TUT4: variants seen among roughly 807,000 people sequenced by gnomAD.
TUT4 encodes the protein terminal uridylyl transferase 4.
A neutral mutation model predicts 192.2 loss-of-function variants in TUT4; 36 were observed. That is an observed-to-expected ratio of 0.19 (90% CI 0.14 to 0.25). The LOEUF is 0.25. TUT4 is among the 10% of genes least tolerant of loss of function. The pLI, the probability that TUT4 is intolerant of heterozygous loss-of-function variation, is 1.00. For synonymous variants in TUT4, 618 were observed against 666.0 expected, an observed-to-expected ratio of 0.93 and a Z score of 1.11; for missense variants, 1,493 against 1,957.2, an observed-to-expected ratio of 0.76 and a Z score of 4.47.
intron 11 of TUT4, among the ~76,000 whole-genome samples, chr1:52,478,781 C>T (rs1394695164): frequency 6.6e-6 from 1 of 152,130 alleles, no homozygotes. Context: ...CACTAGGCAG[C>T]ATAAACACAA....
At chr1:52,460,414 G>A (rs564373322) in intron 19 of TUT4, among the ~76,000 whole-genome samples, 24 of 152,080 alleles carry the variant, frequency 1.6e-4, no homozygotes, top group African/African-American at 5.1e-4. Flanking sequence ...CCCAGGAGGC[G>A]GAGGTTGCAG....
intron 24 of TUT4, among the ~76,000 whole-genome samples, chr1:52,443,895 T>C (rs1256287537): frequency 1.3e-5 from 2 of 152,210 alleles, no homozygotes; most frequent in African/African-American, 4.8e-5. Context: ...CAGTGTATCA[T>C]TGTATTTGTT....
chr1:52,502,586 A>AT (rs1272149265), intron 4 of TUT4, among the ~76,000 whole-genome samples: 1 of 141,764 alleles, frequency 7.1e-6, no homozygotes, highest in Non-Finnish European at 1.5e-5. Context: ...CTGTGTTTTC[A>AT]TTAAGTAAGC....
intron 28 of TUT4, among the ~76,000 whole-genome samples, chr1:52,427,693 C>T (rs1268496101): frequency 6.6e-6 from 1 of 152,210 alleles, no homozygotes; most frequent in Non-Finnish European, 1.5e-5. Flanking sequence ...ACCTTACTTG[C>T]ATTGTTCCAA....
intron 1 of TUT4, among the ~76,000 whole-genome samples, chr1:52,527,138 C>A (rs1290688538): frequency 6.6e-6 from 1 of 152,164 alleles, no homozygotes; most frequent in African/African-American, 2.4e-5. Context: ...TCTATTTGTA[C>A]CTCTAGCCTA....
chr1:52,459,656 C>T (rs946951555), intron 19 of TUT4, among the ~76,000 whole-genome samples: 5 of 151,900 alleles, frequency 3.3e-5, no homozygotes, highest in Admixed American at 1.3e-4. Flanking sequence ...GAGGCCGAGG[C>T]GGGCGGAGGA....
intron 2 of TUT4, among the ~76,000 whole-genome samples, chr1:52,516,453 T>G (rs1678736222): frequency 6.6e-6 from 1 of 152,158 alleles, no homozygotes; most frequent in Admixed American, 6.6e-5. Flanking sequence ...CACTAGCAAT[T>G]AAAACAACAT....
chr1:52,463,204 T>A, intron 16 of TUT4: 1 of 984,784 alleles, frequency 1.0e-6, no homozygotes, highest in Middle Eastern at 5.2e-4. Context: ...AGAAGTTTAA[T>A]AAATTTTACA....
chr1:52,475,614 C>A, intron 12 of TUT4, 79 bp from the exon 13 acceptor site: 1 of 1,259,974 alleles, frequency 7.9e-7, no homozygotes, highest in South Asian at 1.5e-5. Context: ...TAGATCTTAA[C>A]TGATAAACTG....
chr1:52,459,465 T>C (rs1483889827), intron 19 of TUT4, among the ~76,000 whole-genome samples: 1 of 152,080 alleles, frequency 6.6e-6, no homozygotes, highest in East Asian at 1.9e-4. Flanking sequence ...GGCACACGCC[T>C]GTAGTCCTGG....
At chr1:52,490,918 T>A (rs1670992545) in intron 7 of TUT4, 117 bp from the exon 8 acceptor site, 3 of 832,328 alleles carry the variant, frequency 3.6e-6, no homozygotes, top group African/African-American at 1.7e-5. Context: ...TGTGGGATAA[T>A]CCACTCTTCT....
chr1:52,503,000 C>A (rs1674583468), intron 4 of TUT4, among the ~76,000 whole-genome samples: 1 of 152,190 alleles, frequency 6.6e-6, no homozygotes, highest in Non-Finnish European at 1.5e-5. Context: ...GGACCTGGCA[C>A]CGTGCCAAGT....
chr1:52,481,497 C>G lies in TUT4; in HGVS notation c.1774G>C (p.Asp592His), dbSNP rs1166675518. 1.2e-6 allele frequency: 2 copies of G among 1,613,940 alleles called. No individual in the cohort carries two copies. The change falls in exon 11 of 30, where the codon GAC (aspartate) becomes CAC (histidine). Residue 592 changes from aspartate (D) to histidine (H), a missense_variant. By Grantham distance (81) the Asp-to-His change is moderately conservative. Coordinates refer to ENST00000257177, the MANE Select transcript of TUT4 (RefSeq NM_001009881.3). ...TTCTTGGTATCATCTTTTGGTTGGTCTGCCTTAGCTTTGTTTTCCTCAGCA... is the reference window on the plus strand; with the variant it reads ...TTCTTGGTATCATCTTTTGGTTGGTGTGCCTTAGCTTTGTTTTCCTCAGCA... ...SIAEENKAKA[D>H]QPKDDTKKTE...
intron 1 of TUT4, among the ~76,000 whole-genome samples, chr1:52,541,727 T>A (rs1057205668): frequency 6.6e-6 from 1 of 152,136 alleles, no homozygotes; most frequent in African/African-American, 2.4e-5. Context: ...AGAAAAGAGA[T>A]AAATGGGACT....
At chr1:52,437,226 G>A in intron 25 of TUT4, 1 of 378,014 alleles carries the variant, frequency 2.6e-6, no homozygotes, top group Non-Finnish European at 4.6e-6. Context: ...ACAATCCTTA[G>A]AGGTTGATAT....
chr1:52,425,064 ATAATCT>A, intron 29 of TUT4: 1 of 256,046 alleles, frequency 3.9e-6, no homozygotes, highest in Non-Finnish European at 7.3e-6. Flanking sequence ...TTGTGATGTA[ATAATCT>A]TAAATCCACA....
intron 14 of TUT4, among the ~76,000 whole-genome samples, chr1:52,469,734 C>CA (rs1201183415): frequency 6.6e-6 from 1 of 151,706 alleles, no homozygotes; most frequent in Non-Finnish European, 1.5e-5. Flanking sequence ...ACTAAAAATA[C>CA]AAAAAATTAG....
rs770965363 is a variant in TUT4 at position 52,541,798 on chromosome 1, T to G, written c.-94+11133A>C. ...CACTCAAGAAAATGAAAAAACAGTA[T>G]GACAACTCCTCAAAAAATTAAACAT... is the stretch of plus-strand genomic sequence containing the variant. On this transcript the variant is annotated intron_variant, in intron 1 of 29. Coordinates refer to ENST00000257177, the MANE Select transcript of TUT4 (RefSeq NM_001009881.3). 2.0e-5 allele frequency among the ~76,000 whole-genome samples: 3 copies of G among 152,182 alleles called. No individual in the cohort carries two copies. In the South Asian group the frequency reaches 6.2e-4, roughly 31 times the overall value.
At chr1:52,513,408 A>AAAAAAAAAAAAAAAAAAT in intron 3 of TUT4, among the ~76,000 whole-genome samples, 1 of 150,402 alleles carries the variant, frequency 6.6e-6, no homozygotes, top group Non-Finnish European at 1.5e-5. Flanking sequence ...AAAAAAAAAA[A>AAAAAAAAAAAAAAAAAAT]AAAAAAGTAC....
Sources: allele counts gnomAD v4.1 joint callset (sites outside exome capture counted in the v4.1 genomes callset), GRCh38; gene constraint gnomAD v4.1.1; transcripts MANE v1.5; gene names NCBI Gene and HGNC (gene_info 2026-07-23, HGNC 2026-07-21).